The following EIF2B1 variants were observed in gnomAD, a reference collection of about 807,000 sequenced individuals.
The protein encoded by EIF2B1 is translation initiation factor eIF2B subunit alpha.
EIF2B1 carries 30 observed loss-of-function variants against 36.8 expected under a neutral mutation model. The ratio of observed to expected loss-of-function variants is 0.81; its 90% CI spans 0.61 to 1.10. EIF2B1 has a LOEUF of 1.10. Ranked by LOEUF, EIF2B1 falls within the 50% of genes least tolerant of loss-of-function variation. The pLI is 0.00. For missense variants in EIF2B1, 271 were observed against 374.8 expected (o/e 0.72, Z 2.29); for synonymous variants, 139 against 142.2 (o/e 0.98, Z 0.16).
rs533276758 is a variant in EIF2B1 at position 123,631,161 on chromosome 12, C to T, written c.116-628G>A. ...AATAAACACTTATAAAGCTGAACTG[C>T]TACTGAAATTTACGCATCATGGTTA... On this transcript the variant is annotated intron_variant, in intron 2 of 8. Transcript: ENST00000424014. Among the ~76,000 whole-genome samples the T allele has an allele frequency of 2.6e-5, 4 of 152,246 alleles. No individual in the cohort carries two copies. In the East Asian group the frequency reaches 7.7e-4, roughly 29 times the overall value.
In EIF2B1 at chr12:123,633,621, C is replaced by T; in HGVS notation, c.-64G>A. 2 of 1,597,308 alleles carry T rather than the reference C, an allele frequency of 1.3e-6. No individual in the cohort carries two copies. The highest frequency in any genetic ancestry group is 1.7e-6 in the Non-Finnish European group (2 of 1,178,100). On this transcript the variant is annotated 5_prime_UTR_variant, in exon 1 of 9. Coordinates refer to ENST00000424014, the MANE Select transcript of EIF2B1 (RefSeq NM_001414.4). ...GCCCGCGCTGTCTCGAACGGGTCCGCCGGCCGCGCCGCCTGCGAGCCAGTC... is the reference window on the plus strand; with the variant it reads ...GCCCGCGCTGTCTCGAACGGGTCCGTCGGCCGCGCCGCCTGCGAGCCAGTC...
At chr12:123,631,572 G>A (rs1234075915) in intron 2 of EIF2B1, among the ~76,000 whole-genome samples, 5 of 152,072 alleles carry the variant, frequency 3.3e-5, no homozygotes, top group Non-Finnish European at 7.3e-5. Context: ...ACTTTGGGAG[G>A]CCGACATGGG....
In EIF2B1 at chr12:123,630,412, G is replaced by A. The variant is rs1955179176; in HGVS notation, c.237C>T (p.Ala79=). 1 of 1,614,168 alleles carries A rather than the reference G, an allele frequency of 6.2e-7. No homozygotes were observed. Among genetic ancestry groups the A allele is most frequent in the Non-Finnish European group, 8.5e-7 (1 of 1,180,026 alleles). The change falls in exon 3 of 9, where the codon GCC becomes GCT. Residue 79 remains alanine (A), a synonymous_variant. Transcript: ENST00000424014. This position sits in a 1 kb window ranked among gnomAD's most constrained non-coding sequence, Gnocchi z 4.6. ...GELFLRFISL[A]SLEYSDYSKC... Reference sequence around the variant, plus strand: ...AGGCACTTACGGAGTATTCCAGGGAGGCAAGACTGATGAAGCGGAGGAAGA... The same window carrying A: ...AGGCACTTACGGAGTATTCCAGGGAAGCAAGACTGATGAAGCGGAGGAAGA...
chr12:123,632,552 A>C, intron 1 of EIF2B1, 106 bp from the exon 2 acceptor site: 1 of 815,108 alleles, frequency 1.2e-6, no homozygotes, highest in Non-Finnish European at 2.1e-6. Context: ...TTTAAAAAAT[A>C]CTTTCTTTTT....
intron 6 of EIF2B1, 100 bp from the exon 7 acceptor site, chr12:123,624,962 C>T: frequency 9.1e-7 from 1 of 1,094,876 alleles, no homozygotes; most frequent in Non-Finnish European, 1.4e-6. Flanking sequence ...AAGGTAAGTT[C>T]CTCCCATAAC....
intron 4 of EIF2B1, among the ~76,000 whole-genome samples, chr12:123,629,550 T>C (rs1955172489): frequency 1.3e-5 from 2 of 152,088 alleles, no homozygotes; most frequent in Non-Finnish European, 2.9e-5. Context: ...TCCCAGCACT[T>C]TGGGAGGCCG....
At chr12:123,626,613 G>A (rs1160549987) in intron 5 of EIF2B1, 120 bp from the exon 6 acceptor site, 1 of 1,146,356 alleles carries the variant, frequency 8.7e-7, no homozygotes, top group African/African-American at 1.5e-5. Context: ...ATGGGTTAAG[G>A]GGCAGATCCC....
At chr12:123,623,316 C>G (rs1955122667) in intron 7 of EIF2B1, among the ~76,000 whole-genome samples, 1 of 151,930 alleles carries the variant, frequency 6.6e-6, no homozygotes, top group East Asian at 1.9e-4. Flanking sequence ...AACCCGGGCA[C>G]TGGAGGTTGC....
At chr12:123,633,473 G>T in intron 1 of EIF2B1, 72 bp downstream of exon 1, 1 of 1,602,206 alleles carries the variant, frequency 6.2e-7, no homozygotes. Context: ...AGCTCAGCCT[G>T]GATGTGAGAG....
intron 2 of EIF2B1, among the ~76,000 whole-genome samples, chr12:123,631,437 G>C (rs1359245973): frequency 6.6e-6 from 1 of 151,458 alleles, no homozygotes; most frequent in African/African-American, 2.4e-5. Flanking sequence ...CTTTGGGAGG[G>C]CGAGGCGGAC....
At chr12:123,626,156 A>C (rs1309877999) in intron 6 of EIF2B1, 4 of 482,222 alleles carry the variant, frequency 8.3e-6, no homozygotes, top group African/African-American at 7.9e-5. Context: ...ACAAACAAAC[A>C]AAAACAACAA....
Position 123,628,364 on chromosome 12 carries a change from T to C in EIF2B1, c.370-1208A>G, listed in dbSNP as rs550354609. Among the ~76,000 whole-genome samples, 6 of 136,034 alleles carry C rather than the reference T, an allele frequency of 4.4e-5. No individual in the cohort carries two copies. In the East Asian group the frequency reaches 1.2e-3, roughly 28 times the overall value. The allele number at this position is 136,034 out of a possible 152,430, so 89.2% of individuals were successfully genotyped here. A position where few individuals can be genotyped will look rare whatever the true frequency, so the allele number is the denominator to read the frequency against. On this transcript the variant is annotated intron_variant, in intron 4 of 8. Transcript: ENST00000424014. ...GGCCCATAACCTCTTTTTTTTTTTT[T>C]TTTTTTTTTTTTGGTGAGACAGGAT...
rs78170695 is a variant in EIF2B1, at chr12:123,630,119, G to A, written c.369+50C>T. The A allele has an allele frequency of 2.1e-3, 3,274 of 1,538,694 alleles. 61 individuals are homozygous for A. In the African/African-American group the frequency reaches 0.037, roughly 18 times the overall value. ...AGCCCGGATTTTACCCCAGGCAGTC[G>A]GACTCGAAACCGTTGCTCCTCCTTA... On this transcript the variant is annotated intron_variant, in intron 4 of 8. Transcript: ENST00000424014. This position sits in a 1 kb window ranked among gnomAD's most constrained non-coding sequence, Gnocchi z 4.6.
chr12:123,630,619 A>G lies in EIF2B1; in HGVS notation c.116-86T>C, dbSNP rs1593782645. On this transcript the variant is annotated intron_variant, in intron 2 of 8. Coordinates refer to ENST00000424014, the MANE Select transcript of EIF2B1 (RefSeq NM_001414.4). The surrounding 1 kb of genome is among the most constrained non-coding windows in gnomAD (Gnocchi z 4.6). Reference sequence around the variant, plus strand: ...TTCAATTCATTCATTCATTCAGTGAATATTTACTAGGTACATACTATATAC... The same window carrying G: ...TTCAATTCATTCATTCATTCAGTGAGTATTTACTAGGTACATACTATATAC... 2.6e-6 allele frequency: 4 copies of G among 1,564,958 alleles called. No homozygotes were observed. The highest frequency in any genetic ancestry group is 4.5e-5 in the East Asian group (2 of 44,710).
intron 5 of EIF2B1, 71 bp from the exon 6 acceptor site, chr12:123,626,564 T>G (rs2135763310): frequency 1.3e-6 from 2 of 1,548,746 alleles, no homozygotes; most frequent in Non-Finnish European, 1.8e-6. Context: ...TCACCTAATG[T>G]GGACAGTGGA....
intron 2 of EIF2B1, among the ~76,000 whole-genome samples, chr12:123,632,002 G>T (rs1302860816): frequency 6.6e-6 from 1 of 151,184 alleles, no homozygotes; most frequent in African/African-American, 2.4e-5. Context: ...GGGCACAGTG[G>T]CTCACACCTG....
intron 4 of EIF2B1, 61 bp from the exon 5 acceptor site, chr12:123,627,217 G>T: frequency 1.5e-6 from 2 of 1,291,698 alleles, no homozygotes; most frequent in Non-Finnish European, 1.1e-6. Flanking sequence ...CACACCCTCT[G>T]CACTGCGGCA....
chr12:123,633,154 T>C (rs1955214107), intron 1 of EIF2B1, among the ~76,000 whole-genome samples: 2 of 150,916 alleles, frequency 1.3e-5, no homozygotes, highest in Non-Finnish European at 2.9e-5. Context: ...GTTACAAATA[T>C]TATACATGGA....
rs1184566038 is a variant in EIF2B1, at chr12:123,622,619, A to G, written c.753+17T>C. On this transcript the variant is annotated intron_variant, in intron 8 of 8. Transcript: ENST00000424014. ...TGTTTAGACTTTAGTACCCCTTCAA[A>G]TATGTAAAACTCTTGCCTTAAACTT... 6.2e-7 allele frequency: 1 copy of G among 1,613,784 alleles called. No individual in the cohort carries two copies. Among genetic ancestry groups the G allele is most frequent in the Admixed American group, 1.7e-5 (1 of 60,024 alleles).
Sources: gnomAD v4.1 joint callset for allele counts (sites outside exome capture counted in the v4.1 genomes callset) on GRCh38, gnomAD v4.1.1 for gene constraint, Gnocchi (gnomAD v3.1) non-coding constraint, MANE v1.5 for transcripts, NCBI Gene and HGNC (gene_info 2026-07-23, HGNC 2026-07-21) for gene names.